Variants in CDH4 observed in about 807,000 individuals in gnomAD.
CDH4 encodes the protein cadherin 4.
In CDH4, 33 loss-of-function variants were observed where a neutral mutation model predicts 86.0. The ratio of observed to expected loss-of-function variants is 0.38; its 90% confidence interval spans 0.29 to 0.51. The LOEUF is 0.51. Ranked by LOEUF, CDH4 falls within the 20% of genes least tolerant of loss-of-function variation. CDH4 has a pLI of 0.86. For missense variants in CDH4, 1,114 were observed against 1,307.4 expected, an observed-to-expected ratio of 0.85 and a Z score of 2.28; for synonymous variants, 555 against 549.4, an observed-to-expected ratio of 1.01 and a Z score of -0.14.
chr20:61,824,127 G>C (rs1981195792), intron 4 of CDH4, among the ~76,000 whole-genome samples: 1 of 152,166 alleles, frequency 6.6e-6, no homozygotes, highest in Non-Finnish European at 1.5e-5. Context: ...ACCACAGCTT[G>C]AGGGTCATGG....
At chr20:61,846,908 G>T (rs568396336) in intron 5 of CDH4, among the ~76,000 whole-genome samples, 1 of 152,174 alleles carries the variant, frequency 6.6e-6, no homozygotes, top group Admixed American at 6.5e-5. Flanking sequence ...GTGTGGCATC[G>T]CAGATGCAGC....
At chr20:61,886,628 A>G (rs921424426) in intron 7 of CDH4, among the ~76,000 whole-genome samples, 2 of 152,178 alleles carry the variant, frequency 1.3e-5, no homozygotes, top group Non-Finnish European at 2.9e-5. Context: ...CATGTCAGCT[A>G]TGGAGAGAGG....
chr20:61,431,266 T>A (rs1477536611), intron 2 of CDH4, among the ~76,000 whole-genome samples: 1 of 152,080 alleles, frequency 6.6e-6, no homozygotes, highest in African/African-American at 2.4e-5. Flanking sequence ...TAAATTACTA[T>A]GCAAGGAAGT....
At chr20:61,436,351 T>G (rs6061404) in intron 2 of CDH4, 32,356 of 152,038 alleles carry the variant, frequency 0.21, 3,643 homozygotes, top group African/African-American at 0.24. Flanking sequence ...AGGACAAAAG[T>G]CTCCAAAAGA....
At chr20:61,719,376 C>T (rs532764878) in intron 2 of CDH4, 20 of 311,720 alleles carry the variant, frequency 6.4e-5, no homozygotes, top group African/African-American at 1.5e-4. Context: ...AAAACACAAG[C>T]TGTTTTTCCC....
At chr20:61,548,415 G>A (rs1244500966) in intron 2 of CDH4, among the ~76,000 whole-genome samples, 1 of 152,104 alleles carries the variant, frequency 6.6e-6, no homozygotes, top group Non-Finnish European at 1.5e-5. Context: ...GGTAAACAGA[G>A]TACAAAGAGG....
intron 2 of CDH4, among the ~76,000 whole-genome samples, chr20:61,673,253 C>A (rs2087410010): frequency 6.6e-6 from 1 of 152,194 alleles, no homozygotes; most frequent in African/African-American, 2.4e-5. Context: ...ATCATCAGAG[C>A]AGCCCTAGGA....
intron 7 of CDH4, among the ~76,000 whole-genome samples, chr20:61,889,022 C>T (rs1884480852): frequency 3.3e-5 from 5 of 152,350 alleles, no homozygotes; most frequent in Admixed American, 2.6e-4. Flanking sequence ...CCCTCCCTCA[C>T]GGCCTCTGCA....
chr20:61,859,789 C>A (rs1355725425), intron 6 of CDH4, among the ~76,000 whole-genome samples: 2 of 152,394 alleles, frequency 1.3e-5, no homozygotes, highest in African/African-American at 4.8e-5. Flanking sequence ...TCACGGCCAG[C>A]TTCGCTGCCG....
intron 2 of CDH4, among the ~76,000 whole-genome samples, chr20:61,317,933 A>C (rs2084485842): frequency 6.6e-6 from 1 of 152,236 alleles, no homozygotes; most frequent in Non-Finnish European, 1.5e-5. Flanking sequence ...TGATCCAGCC[A>C]TTGCAACTGT....
intron 2 of CDH4, among the ~76,000 whole-genome samples, chr20:61,322,180 G>C (rs1179392219): frequency 6.6e-6 from 1 of 152,188 alleles, no homozygotes; most frequent in Non-Finnish European, 1.5e-5. Flanking sequence ...TGCCGTCTGT[G>C]TGCTTTGCAC....
At position 61,630,567 on chromosome 20, in the gene CDH4, G is replaced by A. The variant is rs2145787265; in HGVS notation, c.170-112996G>A. Among the ~76,000 whole-genome samples the A allele has an allele frequency of 2.6e-5, 4 of 152,334 alleles. 1 individual carries two copies. The South Asian group carries it at 8.3e-4, about 32-fold the overall frequency. On this transcript the variant is annotated intron_variant, in intron 2 of 15. Transcript: ENST00000614565. ...GGATCCAGGCTCCCCGTTTTGCACT[G>A]CTCTTGCATGGGGCTTCAGCGCCTT...
chr20:61,510,287 GC>G lies in CDH4; in HGVS notation c.170-233274del, dbSNP rs2085770352. On this transcript the variant is annotated intron_variant, in intron 2 of 15. Transcript: ENST00000614565. This position sits in a 1 kb window ranked among gnomAD's most constrained non-coding sequence, Gnocchi z 4.2. Reference sequence around the variant, plus strand: ...GGTGTGTGCTTTGTGTTTTGGGGGGGCCAGGAACGTGCATTCAGGGGAGTTT... The same window carrying G: ...GGTGTGTGCTTTGTGTTTTGGGGGGGCAGGAACGTGCATTCAGGGGAGTTT... Among the ~76,000 whole-genome samples, 1 of 152,134 alleles carries G rather than the reference GC, an allele frequency of 6.6e-6. No homozygotes were observed. The highest frequency in any genetic ancestry group is 1.5e-5 in the Non-Finnish European group (1 of 68,026).
chr20:61,589,737 C>A (rs920607915), intron 2 of CDH4, among the ~76,000 whole-genome samples: 3 of 151,834 alleles, frequency 2.0e-5, no homozygotes, highest in African/African-American at 7.3e-5. Flanking sequence ...AGGTATATCT[C>A]CTAATGTTAT....
Position 61,666,167 on chromosome 20 carries a change from G to A in CDH4, c.170-77396G>A, listed in dbSNP as rs149600133. The stretch of plus-strand genomic sequence containing the variant: ...AAGGCCATGGCCTCCTGCCCTCATC[G>A]TCAGGCTATTCTTGATTTTCCCTGC... On this transcript the variant is annotated intron_variant, in intron 2 of 15. Transcript: ENST00000614565. Among the ~76,000 whole-genome samples, 191 of 152,294 alleles carry A rather than the reference G, an allele frequency of 1.3e-3. 1 individual carries two copies. In the East Asian group the frequency reaches 0.018, roughly 14 times the overall value.
chr20:61,697,812 C>T (rs544707906), intron 2 of CDH4, among the ~76,000 whole-genome samples: 36 of 152,340 alleles, frequency 2.4e-4, no homozygotes, highest in African/African-American at 8.7e-4. Flanking sequence ...AAGTGCTGCT[C>T]CTGCTCCAGG....
chr20:61,275,209 A>G (rs1302810614), intron 2 of CDH4, among the ~76,000 whole-genome samples: 157 of 48,438 alleles, frequency 3.2e-3, no homozygotes, highest in Middle Eastern at 0.019. Context: ...GGAGTACTGT[A>G]TGCAATTTGG....
At chr20:61,562,076 G>T (rs770308567) in intron 2 of CDH4, among the ~76,000 whole-genome samples, 1 of 73,540 alleles carries the variant, frequency 1.4e-5, no homozygotes, top group African/African-American at 6.6e-5. Flanking sequence ...AGAGAGAGGG[G>T]CCTCCGTGTG....
At position 61,574,249 on chromosome 20, in the gene CDH4, A is replaced by G. The variant is rs528807234; in HGVS notation, c.170-169314A>G. 3.9e-5 allele frequency among the ~76,000 whole-genome samples: 6 copies of G among 152,348 alleles called. No homozygotes were observed. In the East Asian group the frequency reaches 1.2e-3, roughly 29 times the overall value. The stretch of plus-strand genomic sequence containing the variant: ...CCATGCTGTAGCCCAGCCAAGGCTA[A>G]TATTCTTACTGGGGCCTGCTCTCAC... On this transcript the variant is annotated intron_variant, in intron 2 of 15. Transcript: ENST00000614565.
Sources: allele counts gnomAD v4.1 joint callset (sites outside exome capture counted in the v4.1 genomes callset), GRCh38; gene constraint gnomAD v4.1.1; non-coding constraint Gnocchi (gnomAD v3.1); transcripts MANE v1.5; gene names NCBI Gene and HGNC (gene_info 2026-07-23, HGNC 2026-07-21).